The following PHACTR2 variants were observed in gnomAD, a reference collection of about 807,000 sequenced individuals.
The protein encoded by PHACTR2 is chromosome 6 open reading frame 56.
PHACTR2 carries 30 observed loss-of-function variants against 76.0 expected under a neutral mutation model. The observed-to-expected ratio is 0.39, with a 90% CI of 0.30 to 0.54. The LOEUF (loss-of-function observed/expected upper bound fraction) is 0.54, where lower values mean the gene tolerates loss of function less well. Ranked by LOEUF, PHACTR2 falls within the 20% of genes least tolerant of loss-of-function variation. The pLI is 0.61. For missense variants in PHACTR2, 696 were observed against 781.1 expected (o/e 0.89, Z 1.30); for synonymous variants, 292 against 292.5 (o/e 1.00, Z 0.02).
chr6:143,672,273 A>C lies in PHACTR2; in HGVS notation c.14-39743A>C, dbSNP rs1379946066. On this transcript the variant is annotated intron_variant, in intron 1 of 11. Coordinates refer to the PHACTR2 transcript ENST00000305766. The surrounding 1 kb of genome is among the most constrained non-coding windows in gnomAD (Gnocchi z 5.8). The stretch of plus-strand genomic sequence containing the variant: ...GCAAGCAAGCCTGGGCAATATAGTG[A>C]GACCCTATCTCTACAAAAAAAAAAA... Among the ~76,000 whole-genome samples, 1 of 150,690 alleles carries C rather than the reference A, an allele frequency of 6.6e-6. No individual in the cohort carries two copies. Among genetic ancestry groups the C allele is most frequent in the East Asian group, 1.9e-4 (1 of 5,188 alleles).
rs559940861 is a variant in PHACTR2, at chr6:143,776,450, A to G, written c.1590-878A>G. 6.6e-6 allele frequency among the ~76,000 whole-genome samples: 1 copy of G among 152,242 alleles called. No individual in the cohort carries two copies. Among genetic ancestry groups the G allele is most frequent in the Non-Finnish European group, 1.5e-5 (1 of 68,046 alleles). On this transcript the variant is annotated intron_variant, in intron 8 of 12. Transcript: ENST00000440869. This position sits in a 1 kb window ranked among gnomAD's most constrained non-coding sequence, Gnocchi z 5.3. The stretch of plus-strand genomic sequence containing the variant: ...AACATTGTTACATAGAAGAAAATAC[A>G]ATGAAAAAGGGAGATTGCGTTCACG...
At position 143,827,174 on chromosome 6, in the gene PHACTR2, A is replaced by G. The variant is rs970400385; in HGVS notation, c.*3485A>G. ...AAAGAAAATATATATATATATATATATATATATATATATATATATATATAT... is the reference window on the plus strand; with the variant it reads ...AAAGAAAATATATATATATATATATGTATATATATATATATATATATATAT... On this transcript the variant is annotated 3_prime_UTR_variant, in exon 13 of 13. Coordinates refer to ENST00000440869, the MANE Select transcript of PHACTR2 (RefSeq NM_001100164.2). The G allele has an allele frequency of 2.5e-5, 3 of 122,180 alleles. No individual in the cohort carries two copies. Among genetic ancestry groups the G allele is most frequent in the African/African-American group, 9.9e-5 (3 of 30,194 alleles). The allele number at this position is 122,180 out of a possible 1,614,324, so 7.6% of individuals were successfully genotyped here.
intron 1 of PHACTR2, among the ~76,000 whole-genome samples, chr6:143,588,672 G>C (rs1353368828): frequency 1.3e-5 from 2 of 152,136 alleles, no homozygotes; most frequent in African/African-American, 4.8e-5. Context: ...CTAAAAGTCA[G>C]TTCTATGAAA....
In PHACTR2 at chr6:143,647,762, C is replaced by T. The variant is rs1776685384; in HGVS notation, c.13+39440C>T. 6.6e-6 allele frequency among the ~76,000 whole-genome samples: 1 copy of T among 152,076 alleles called. No homozygotes were observed. The highest frequency in any genetic ancestry group is 2.4e-5 in the African/African-American group (1 of 41,394). The stretch of plus-strand genomic sequence containing the variant: ...CAGAAAGAACAGCAAGTGCACAGCC[C>T]CCTGTGCTGGGAATAGGCTTGTGTC... On this transcript the variant is annotated intron_variant, in intron 1 of 11. Coordinates refer to the PHACTR2 transcript ENST00000305766. The surrounding 1 kb of genome is among the most constrained non-coding windows in gnomAD (Gnocchi z 4.2).
rs1775933347 is a variant in PHACTR2 at position 143,608,921 on chromosome 6, T to A, written c.13+599T>A. 6.6e-6 allele frequency among the ~76,000 whole-genome samples: 1 copy of A among 152,242 alleles called. No homozygotes were observed. Among genetic ancestry groups the A allele is most frequent in the African/African-American group, 2.4e-5 (1 of 41,468 alleles). Reference sequence around the variant, plus strand: ...AGACAAACAGATGATTGAAGTATGTTAATGTCAATTAAATAATTAGCATAA... The same window carrying A: ...AGACAAACAGATGATTGAAGTATGTAAATGTCAATTAAATAATTAGCATAA... On this transcript the variant is annotated intron_variant, in intron 1 of 11. Transcript: ENST00000305766. The surrounding 1 kb of genome is among the most constrained non-coding windows in gnomAD (Gnocchi z 4.6).
intron 1 of PHACTR2, among the ~76,000 whole-genome samples, chr6:143,667,966 A>G (rs1365564923): frequency 6.6e-6 from 1 of 152,196 alleles, no homozygotes. Context: ...GCTGGTTTTC[A>G]AAGGGAATGC....
At chr6:143,576,875 CAAAAAAAAA>C (rs35937662) in intron 1 of PHACTR2, among the ~76,000 whole-genome samples, 1 of 102,552 alleles carries the variant, frequency 9.8e-6, no homozygotes, top group Non-Finnish European at 1.9e-5. Flanking sequence ...GACTCTGTCT[CAAAAAAAAA>C]AAAAAAAAAA....
At position 143,701,908 on chromosome 6, in the gene PHACTR2, G is replaced by C. The variant is rs76786328; in HGVS notation, c.47-10108G>C. On this transcript the variant is annotated intron_variant, in intron 1 of 12. Coordinates refer to ENST00000440869, the MANE Select transcript of PHACTR2 (RefSeq NM_001100164.2). The stretch of plus-strand genomic sequence containing the variant: ...AATATGAAGTCATAGAATTTTTAAA[G>C]TTGGAAAGGAGCCTAGAGATCATTT... Among the ~76,000 whole-genome samples, 221 of 152,234 alleles carry C rather than the reference G, an allele frequency of 1.5e-3. 3 individuals are homozygous for C. In the East Asian group the frequency reaches 0.022, roughly 15 times the overall value.
At chr6:143,607,290 C>T (rs192817906), upstream of PHACTR2, among the ~76,000 whole-genome samples, 13 of 152,286 alleles carry the variant, frequency 8.5e-5, no homozygotes, top group African/African-American at 1.4e-4. Flanking sequence ...AAAACAGTTG[C>T]GCTGTCCCCA....
In PHACTR2 at chr6:143,744,305, C is replaced by A. The variant is rs890939604; in HGVS notation, c.215-4680C>A. Among the ~76,000 whole-genome samples, 10 of 152,186 alleles carry A rather than the reference C, an allele frequency of 6.6e-5. 1 individual carries two copies. Among genetic ancestry groups the A allele is most frequent in the African/African-American group, 1.7e-4 (7 of 41,442 alleles). ...ATTGAGGACTGGGAAGGGGCAGAAACAATACCATTCTCATGATTAGCTATT... is the reference window on the plus strand; with the variant it reads ...ATTGAGGACTGGGAAGGGGCAGAAAAAATACCATTCTCATGATTAGCTATT... On this transcript the variant is annotated intron_variant, in intron 2 of 12. Coordinates refer to ENST00000440869, the MANE Select transcript of PHACTR2 (RefSeq NM_001100164.2).
rs983642857 is a variant in PHACTR2, at chr6:143,811,909, C to A, written c.1922+4776C>A. On this transcript the variant is annotated intron_variant, in intron 12 of 12. Coordinates refer to ENST00000440869, the MANE Select transcript of PHACTR2 (RefSeq NM_001100164.2). The surrounding 1 kb of genome is among the most constrained non-coding windows in gnomAD (Gnocchi z 4.1). ...AGGTGGTGGTACTCTTAGTACCAGCCTCTCTTGGGGAAAATAAACACCTTA... is the reference window on the plus strand; with the variant it reads ...AGGTGGTGGTACTCTTAGTACCAGCATCTCTTGGGGAAAATAAACACCTTA... Among the ~76,000 whole-genome samples, 1 of 152,130 alleles carries A rather than the reference C, an allele frequency of 6.6e-6. No individual in the cohort carries two copies.
At position 143,598,707 on chromosome 6, in the gene PHACTR2, C is replaced by T. The variant is rs1439441573; in HGVS notation, c.217+61500C>T. 2.0e-5 allele frequency among the ~76,000 whole-genome samples: 3 copies of T among 152,206 alleles called. No homozygotes were observed. Among genetic ancestry groups the T allele is most frequent in the Non-Finnish European group, 4.4e-5 (3 of 68,030 alleles). ...GAACCTGGTTAACCTTGACTGTTAT[C>T]CAGTGCCTTTCCTGGCTTTGTCCTT... On this transcript the variant is annotated intron_variant, in intron 1 of 11. Coordinates refer to the PHACTR2 transcript ENST00000367584. This position sits in a 1 kb window ranked among gnomAD's most constrained non-coding sequence, Gnocchi z 4.1.
chr6:143,550,257 C>T lies in PHACTR2; in HGVS notation c.217+13050C>T, dbSNP rs1775078429. Among the ~76,000 whole-genome samples, 1 of 152,048 alleles carries T rather than the reference C, an allele frequency of 6.6e-6. No homozygotes were observed. Among genetic ancestry groups the T allele is most frequent in the African/African-American group, 2.4e-5 (1 of 41,434 alleles). ...TTTGAGTGGGAATTGAGCTTGTGCA[C>T]TTTCTAACAGGCTTCTAAGTTTTGC... On this transcript the variant is annotated intron_variant, in intron 1 of 11. Coordinates refer to the PHACTR2 transcript ENST00000367584. This position sits in a 1 kb window ranked among gnomAD's most constrained non-coding sequence, Gnocchi z 4.8.
At position 143,754,515 on chromosome 6, in the gene PHACTR2, G is replaced by A. The variant is rs1250837871; in HGVS notation, c.454+603G>A. Among the ~76,000 whole-genome samples the A allele has an allele frequency of 1.3e-5, 2 of 152,190 alleles. No homozygotes were observed. The highest frequency in any genetic ancestry group is 4.8e-5 in the African/African-American group (2 of 41,444). The stretch of plus-strand genomic sequence containing the variant: ...ATTGGAAACTTCAAAATGTGCCAGA[G>A]GCGATTATGCTATTCCCAGAAGACT... On this transcript the variant is annotated intron_variant, in intron 4 of 12. Coordinates refer to ENST00000440869, the MANE Select transcript of PHACTR2 (RefSeq NM_001100164.2). This position sits in a 1 kb window ranked among gnomAD's most constrained non-coding sequence, Gnocchi z 6.2.
intron 1 of PHACTR2, among the ~76,000 whole-genome samples, chr6:143,614,904 A>G (rs1192360684): frequency 2.6e-5 from 4 of 152,230 alleles, no homozygotes; most frequent in Non-Finnish European, 4.4e-5. Context: ...ATTCACATGA[A>G]ATGTTAAAAA....
chr6:143,635,817 A>C (rs1489360191), intron 1 of PHACTR2, among the ~76,000 whole-genome samples: 1 of 152,136 alleles, frequency 6.6e-6, no homozygotes, highest in Non-Finnish European at 1.5e-5. Context: ...TTTTATTTGT[A>C]TGTAAATAAG....
chr6:143,637,458 C>G (rs1394135510), intron 1 of PHACTR2, among the ~76,000 whole-genome samples: 3 of 152,164 alleles, frequency 2.0e-5, no homozygotes, highest in Non-Finnish European at 4.4e-5. Flanking sequence ...TCAATATGTT[C>G]TCAGTAAGAC....
Position 143,757,828 on chromosome 6 carries a change from A to T in PHACTR2, c.455-2573A>T, listed in dbSNP as rs1398175855. ...ATTAGACAGTCAGTCCCATTCGTTG[A>T]ATAGACATAGTGTTTACAGCATTGT... On this transcript the variant is annotated intron_variant, in intron 4 of 12. Transcript: ENST00000440869. The surrounding 1 kb of genome is among the most constrained non-coding windows in gnomAD (Gnocchi z 4.2). 6.6e-6 allele frequency among the ~76,000 whole-genome samples: 1 copy of T among 152,192 alleles called. No individual in the cohort carries two copies. Among genetic ancestry groups the T allele is most frequent in the East Asian group, 1.9e-4 (1 of 5,198 alleles).
chr6:143,646,194 C>T lies in PHACTR2; in HGVS notation c.13+37872C>T, dbSNP rs1582732092. ...GGGTACAAGAGAGGTATAAATTAGG[C>T]TCAAATGGGGCCCACAAAGAGCCCC... On this transcript the variant is annotated intron_variant, in intron 1 of 11. Transcript: ENST00000305766. This position sits in a 1 kb window ranked among gnomAD's most constrained non-coding sequence, Gnocchi z 4.1. Among the ~76,000 whole-genome samples, 2 of 152,018 alleles carry T rather than the reference C, an allele frequency of 1.3e-5. No homozygotes were observed. The highest frequency in any genetic ancestry group is 3.9e-4 in the East Asian group (2 of 5,188).
Sources: allele counts gnomAD v4.1 joint callset (sites outside exome capture counted in the v4.1 genomes callset), GRCh38; gene constraint gnomAD v4.1.1; non-coding constraint Gnocchi (gnomAD v3.1); transcripts MANE v1.5; gene names NCBI Gene and HGNC (gene_info 2026-07-23, HGNC 2026-07-21).